Variants in TRIP11 observed in about 807,000 individuals in gnomAD.
The protein encoded by TRIP11 is thyroid receptor-interacting protein 11.
Under a neutral mutation model 223.1 loss-of-function variants are expected in TRIP11, and 148 were observed. That is an observed-to-expected ratio of 0.66 (90% CI 0.58 to 0.76). The LOEUF is 0.76. Among genes scored for constraint, TRIP11 ranks in the 30% least tolerant of loss-of-function variants. The pLI is 0.00. For synonymous variants in TRIP11, 762 were observed against 772.6 expected, an observed-to-expected ratio of 0.99 and a Z score of 0.23; for missense variants, 2,043 against 2,222.0, an observed-to-expected ratio of 0.92 and a Z score of 1.62.
rs5810569 is a variant in TRIP11, at chr14:92,023,857, CT to C, written c.312+1452del. ...TAGTAGTAATTTTATATCTGCTGAA[CT>C]TTTTTTTTTTTTTTTGAGACGGAGT... is the stretch of plus-strand genomic sequence containing the variant. On this transcript the variant is annotated intron_variant, in intron 3 of 20. Coordinates refer to ENST00000267622, the MANE Select transcript of TRIP11 (RefSeq NM_004239.4). 9.3e-3 allele frequency among the ~76,000 whole-genome samples: 1,310 copies of C among 141,102 alleles called. 7 individuals carry two copies. The highest frequency in any genetic ancestry group is 0.017 in the East Asian group (82 of 4,864). The allele number at this position is 141,102 out of a possible 152,430, so 92.6% of individuals were successfully genotyped here. A position where few individuals can be genotyped will look rare whatever the true frequency, so the allele number is the denominator to read the frequency against.
intron 4 of TRIP11, among the ~76,000 whole-genome samples, chr14:92,018,960 C>CAAAAAAAAAAAAAAAAAAAAAAAAAA: frequency 2.8e-5 from 2 of 70,906 alleles, no homozygotes; most frequent in Non-Finnish European, 5.6e-5. Context: ...GACTCCATCT[C>CAAAAAAAAAAAAAAAAAAAAAAAAAA]AAAAAAAAAA....
intron 11 of TRIP11, 53 bp from the exon 12 acceptor site, chr14:92,000,161 T>A: frequency 6.2e-7 from 1 of 1,606,758 alleles, no homozygotes; most frequent in Non-Finnish European, 8.5e-7. Flanking sequence ...ACACATATTT[T>A]AAAAGAGACA....
chr14:92,011,483 CAAAAAAAAAAAA>C (rs200967942), intron 8 of TRIP11, among the ~76,000 whole-genome samples: 5 of 42,470 alleles, frequency 1.2e-4, no homozygotes, highest in Non-Finnish European at 8.8e-5. Flanking sequence ...GACTCCGTCT[CAAAAAAAAAAAA>C]AAAAAAAAAA....
In TRIP11 at chr14:92,004,795, T is replaced by C. The variant is rs755459596; in HGVS notation, c.3181A>G (p.Ile1061Val). The C allele has an allele frequency of 6.2e-7, 1 of 1,614,146 alleles. No homozygotes were observed. Among genetic ancestry groups the C allele is most frequent in the Non-Finnish European group, 8.5e-7 (1 of 1,180,020 alleles). The change falls in exon 11 of 21, where the codon ATT (isoleucine) becomes GTT (valine). Residue 1061 changes from isoleucine to valine, a missense_variant. Coordinates refer to ENST00000267622, the MANE Select transcript of TRIP11 (RefSeq NM_004239.4). ...KDEVGKLTQI[I>V]QQKDLEIQAL... ...TGTATCTCCAAATCTTTCTGCTGAA[T>C]AATCTGAGTTAGTTTACCAACTTCA... is the stretch of plus-strand genomic sequence containing the variant.
intron 16 of TRIP11, among the ~76,000 whole-genome samples, chr14:91,976,589 A>G (rs915608152): frequency 2.6e-5 from 4 of 152,114 alleles, no homozygotes; most frequent in Admixed American, 2.0e-4. Context: ...TCCTTTTTCT[A>G]TTTTCCTGGC....
intron 20 of TRIP11, among the ~76,000 whole-genome samples, chr14:91,972,301 G>A (rs1205694637): frequency 3.3e-5 from 5 of 152,106 alleles, no homozygotes; most frequent in Non-Finnish European, 7.4e-5. Context: ...ATTTTCAAAG[G>A]AGAAAAACCC....
chr14:91,975,721 A>G (rs1444498970), intron 17 of TRIP11, among the ~76,000 whole-genome samples: 2 of 152,122 alleles, frequency 1.3e-5, no homozygotes, highest in East Asian at 3.8e-4. Flanking sequence ...AAAATATTAA[A>G]TGAGCTACTG....
At chr14:91,977,383 C>A (rs1332402208) in intron 16 of TRIP11, 1 of 287,372 alleles carries the variant, frequency 3.5e-6, no homozygotes, top group East Asian at 9.8e-5. Flanking sequence ...AGTTTTAATT[C>A]TAAAATTTAG....
At chr14:92,029,212 T>C (rs1010780411) in intron 2 of TRIP11, among the ~76,000 whole-genome samples, 1 of 150,804 alleles carries the variant, frequency 6.6e-6, no homozygotes, top group Admixed American at 6.6e-5. Context: ...GGAAAACTTA[T>C]GAAATCACCT....
In TRIP11 at chr14:91,966,913, T is replaced by C. The variant is rs1007286767; in HGVS notation, c.*2760A>G. ...CAGAAAAATTACTGTAGTTAAAATA[T>C]TGCAGTTAAACGCACTGTTAGCAAT... On this transcript the variant is annotated 3_prime_UTR_variant, in exon 21 of 21. Coordinates refer to ENST00000267622, the MANE Select transcript of TRIP11 (RefSeq NM_004239.4). 1.9e-5 allele frequency: 4 copies of C among 212,418 alleles called. No individual in the cohort carries two copies. Among genetic ancestry groups the C allele is most frequent in the Non-Finnish European group, 2.9e-5 (3 of 105,042 alleles). 13.2% of individuals were successfully genotyped at this position (212,418 alleles called of 1,614,324 possible).
At position 92,035,580 on chromosome 14, in the gene TRIP11, TA is replaced by T. The variant is rs376985333; in HGVS notation, c.140-2328del. On this transcript the variant is annotated intron_variant, in intron 1 of 20. Transcript: ENST00000267622. ...AAACCTCATTTTTTATTTATTTATT[TA>T]TTTATTTTTTTTTTGAGACAGAGTC... Among the ~76,000 whole-genome samples the T allele has an allele frequency of 3.5e-4, 48 of 135,784 alleles. 1 individual carries two copies. The highest frequency in any genetic ancestry group is 6.3e-4 in the African/African-American group (23 of 36,658). The allele number at this position is 135,784 out of a possible 152,430, so 89.1% of individuals were successfully genotyped here. A position where few individuals can be genotyped will look rare whatever the true frequency, so the allele number is the denominator to read the frequency against.
chr14:92,001,633 G>C (rs7144542), intron 11 of TRIP11, among the ~76,000 whole-genome samples: 1 of 152,082 alleles, frequency 6.6e-6, no homozygotes, highest in Non-Finnish European at 1.5e-5. Context: ...TGAGGAGAGT[G>C]TTAATAATAT....
chr14:92,004,640 A>G lies in TRIP11; in HGVS notation c.3336T>C (p.Asn1112=). Residue 1112 remains asparagine, a synonymous_variant, in exon 11 of 21, where the codon AAT becomes AAC. Coordinates refer to ENST00000267622, the MANE Select transcript of TRIP11 (RefSeq NM_004239.4). Reference sequence around the variant, plus strand: ...TGTGATATTCTGTTTTTAGATGGCTATTTTCCCTAGTCTTCTCATTCAAAA... The same window carrying G: ...TGTGATATTCTGTTTTTAGATGGCTGTTTTCCCTAGTCTTCTCATTCAAAA... ...FAVLNEKTRE[N]SHLKTEYHKM... 1 of 1,614,072 alleles carries G rather than the reference A, an allele frequency of 6.2e-7. No individual in the cohort carries two copies. The highest frequency in any genetic ancestry group is 8.5e-7 in the Non-Finnish European group (1 of 1,180,002).
intron 7 of TRIP11, 123 bp from the exon 8 acceptor site, chr14:92,011,918 G>C: frequency 1.3e-6 from 1 of 791,134 alleles, no homozygotes; most frequent in East Asian, 2.7e-5. Context: ...AGCAGTAACA[G>C]TTCTGAGTGA....
chr14:91,988,633 TAAAAAAAA>T (rs749287959), intron 15 of TRIP11, among the ~76,000 whole-genome samples: 1 of 99,490 alleles, frequency 1.0e-5, no homozygotes, highest in East Asian at 2.9e-4. Flanking sequence ...ATGACAGAAG[TAAAAAAAA>T]AAAAAAAAAA....
intron 16 of TRIP11, among the ~76,000 whole-genome samples, chr14:91,980,697 G>A (rs2140089120): frequency 6.6e-6 from 1 of 151,868 alleles, no homozygotes; most frequent in South Asian, 2.1e-4. Context: ...CCTCCATTTT[G>A]CATGTTTGTC....
At chr14:92,025,493 GA>G in intron 2 of TRIP11, 73 bp from the exon 3 acceptor site, 1 of 1,055,190 alleles carries the variant, frequency 9.5e-7, no homozygotes, top group Non-Finnish European at 1.4e-6. Context: ...ACAGCATTAT[GA>G]AAAACGTACT....
intron 5 of TRIP11, among the ~76,000 whole-genome samples, chr14:92,016,490 C>G (rs7158104): frequency 3.3e-5 from 5 of 152,134 alleles, no homozygotes; most frequent in African/African-American, 9.7e-5. Context: ...CCAAAACATT[C>G]AACTCCTCCT....
chr14:92,004,345 G>C lies in TRIP11; in HGVS notation c.3631C>G (p.Arg1211Gly). 1 of 1,613,948 alleles carries C rather than the reference G, an allele frequency of 6.2e-7. No homozygotes were observed. Among genetic ancestry groups the C allele is most frequent in the Non-Finnish European group, 8.5e-7 (1 of 1,180,024 alleles). ...TTTACTTGCTGTTTTAACTTGTCAC[G>C]TTCCTGTAGAAGCTCCTCAAATTGA... The part of the protein sequence containing the change: ...SNQFEELLQE[R>G]DKLKQQVKKM... Residue 1211 changes from arginine to glycine, a missense_variant, in exon 11 of 21, where the codon CGT (arginine) becomes GGT (glycine). Arg to Gly is a moderately radical substitution (Grantham distance 125). Transcript: ENST00000267622.
Sources: gnomAD v4.1 joint callset for allele counts (sites outside exome capture counted in the v4.1 genomes callset) on GRCh38, gnomAD v4.1.1 for gene constraint, MANE v1.5 for transcripts, NCBI Gene and HGNC (gene_info 2026-07-23, HGNC 2026-07-21) for gene names.